The following NTN1 variants were observed in gnomAD, a reference collection of about 807,000 sequenced individuals.
The protein encoded by NTN1 is netrin-1.
NTN1 carries 11 observed loss-of-function variants against 54.2 expected under a neutral mutation model. The ratio of observed to expected loss-of-function variants is 0.20; its 90% CI spans 0.13 to 0.34. NTN1 has a LOEUF of 0.34. NTN1 is among the 10% of genes least tolerant of loss of function. The pLI is 1.00. For synonymous variants in NTN1, 371 were observed against 382.0 expected (o/e 0.97, Z 0.33); for missense variants, 740 against 893.1 (o/e 0.83, Z 2.18).
intron 2 of NTN1, among the ~76,000 whole-genome samples, chr17:9,152,485 G>T (rs2092330628): frequency 6.6e-6 from 1 of 152,104 alleles, no homozygotes; most frequent in South Asian, 2.1e-4. Flanking sequence ...CAGCAAGGGG[G>T]AAGCCTGCAG....
intron 2 of NTN1, among the ~76,000 whole-genome samples, chr17:9,157,943 G>A (rs968812840): frequency 9.9e-5 from 15 of 152,228 alleles, no homozygotes; most frequent in African/African-American, 3.6e-4. Context: ...AAGGATTAAG[G>A]TGTCTCTCTG....
At chr17:9,114,166 A>AAATATATATATATATATATATAT (rs1555569108) in intron 2 of NTN1, among the ~76,000 whole-genome samples, 3 of 74,618 alleles carry the variant, frequency 4.0e-5, no homozygotes, top group Non-Finnish European at 7.4e-5. Context: ...AAAAAAAAAA[A>AAATATATATATATATATATATAT]ATATATATAT....
intron 5 of NTN1, among the ~76,000 whole-genome samples, chr17:9,196,055 C>T (rs558326171): frequency 2.7e-4 from 41 of 150,454 alleles, no homozygotes; most frequent in African/African-American, 7.0e-4. Context: ...AGCTCAAAAT[C>T]GCTGGGGCCT....
intron 6 of NTN1, among the ~76,000 whole-genome samples, chr17:9,230,065 CT>C (rs3837853): frequency 0.78 from 119,210 of 151,946 alleles, 47,032 homozygotes; most frequent in African/African-American, 0.87. Context: ...ATGACGGACT[CT>C]TCCCCCTCAG....
chr17:9,237,403 AT>A (rs1255272348), intron 6 of NTN1, among the ~76,000 whole-genome samples: 1 of 152,202 alleles, frequency 6.6e-6, no homozygotes, highest in African/African-American at 2.4e-5. Context: ...TGGGTAGTTA[AT>A]TATACTTTAA....
intron 4 of NTN1, among the ~76,000 whole-genome samples, chr17:9,182,623 A>AC (rs1345871400): frequency 9.2e-5 from 14 of 152,252 alleles, no homozygotes; most frequent in Admixed American, 9.1e-4. Flanking sequence ...AGCTGAGTTG[A>AC]CGCCAGGCCC....
At chr17:9,045,774 G>A (rs2091939711) in intron 2 of NTN1, among the ~76,000 whole-genome samples, 1 of 152,042 alleles carries the variant, frequency 6.6e-6, no homozygotes, top group Non-Finnish European at 1.5e-5. Context: ...TTGATTGTTT[G>A]GAAGGACTAA....
intron 2 of NTN1, among the ~76,000 whole-genome samples, chr17:9,134,129 T>C (rs2092274265): frequency 6.6e-6 from 1 of 151,870 alleles, no homozygotes; most frequent in Non-Finnish European, 1.5e-5. Context: ...GGTCTTGAAC[T>C]CCTGACCTTG....
At chr17:9,195,622 G>A (rs982619832) in intron 5 of NTN1, among the ~76,000 whole-genome samples, 2 of 152,138 alleles carry the variant, frequency 1.3e-5, no homozygotes, top group Non-Finnish European at 2.9e-5. Context: ...CTCAGAGCTC[G>A]GCCTGAAACC....
intron 2 of NTN1, among the ~76,000 whole-genome samples, chr17:9,144,736 G>C (rs2092308273): frequency 6.6e-6 from 1 of 152,254 alleles, no homozygotes; most frequent in Non-Finnish European, 1.5e-5. Context: ...CGGCCTCCCA[G>C]CCTCAGTGGG....
intron 5 of NTN1, among the ~76,000 whole-genome samples, chr17:9,206,564 C>T (rs1259730145): frequency 6.6e-6 from 1 of 152,080 alleles, no homozygotes; most frequent in Non-Finnish European, 1.5e-5. Flanking sequence ...CCTCTCCGTG[C>T]CTTCCCTTTG....
At chr17:9,129,758 G>A (rs1216063290) in intron 2 of NTN1, among the ~76,000 whole-genome samples, 3 of 152,252 alleles carry the variant, frequency 2.0e-5, no homozygotes, top group East Asian at 1.9e-4. Context: ...CCCGGCTGCC[G>A]TCTCCCCTTC....
At chr17:9,146,683 A>G (rs997518606) in intron 2 of NTN1, among the ~76,000 whole-genome samples, 2 of 152,120 alleles carry the variant, frequency 1.3e-5, no homozygotes, top group African/African-American at 4.8e-5. Context: ...AGGCGGGACA[A>G]TGTCTCTGAT....
In NTN1 at chr17:9,136,622, T is replaced by C. The variant is rs185422254; in HGVS notation, c.1019-26191T>C. Among the ~76,000 whole-genome samples, 37 of 152,270 alleles carry C rather than the reference T, an allele frequency of 2.4e-4. 1 individual carries two copies. Among genetic ancestry groups the C allele is most frequent in the Admixed American group, 1.9e-3 (29 of 15,288 alleles). ...AGAAAAAAAAGAAAAAAGAGCATAGTGTAACAAACGCCTGTGTGCCAGCTC... is the reference window on the plus strand; with the variant it reads ...AGAAAAAAAAGAAAAAAGAGCATAGCGTAACAAACGCCTGTGTGCCAGCTC... On this transcript the variant is annotated intron_variant, in intron 2 of 6. Coordinates refer to ENST00000173229, the MANE Select transcript of NTN1 (RefSeq NM_004822.3).
chr17:9,093,026 G>C (rs2092118000), intron 2 of NTN1, among the ~76,000 whole-genome samples: 1 of 152,220 alleles, frequency 6.6e-6, no homozygotes, highest in African/African-American at 2.4e-5. Flanking sequence ...CCAAAGTGCT[G>C]AGATTACAGG....
intron 2 of NTN1, among the ~76,000 whole-genome samples, chr17:9,044,894 G>A (rs535405425): frequency 2.0e-5 from 3 of 152,254 alleles, no homozygotes; most frequent in South Asian, 2.1e-4. Context: ...AACAGTATGC[G>A]AAAAGTAGAA....
chr17:9,138,205 A>T (rs1245684160), intron 2 of NTN1, among the ~76,000 whole-genome samples: 1 of 152,210 alleles, frequency 6.6e-6, no homozygotes, highest in Admixed American at 6.5e-5. Context: ...GGTTTGGATC[A>T]TTGCGCAGCA....
rs1906316816 is a variant in NTN1 at position 9,243,861 on chromosome 17, G to C, written c.*3893G>C. 1 of 135,176 alleles carries C rather than the reference G, an allele frequency of 7.4e-6. No individual in the cohort carries two copies. Among genetic ancestry groups the C allele is most frequent in the African/African-American group, 2.8e-5 (1 of 35,412 alleles). 8.4% of individuals were successfully genotyped at this position (135,176 alleles called of 1,614,324 possible). On this transcript the variant is annotated 3_prime_UTR_variant, in exon 7 of 7. Coordinates refer to ENST00000173229, the MANE Select transcript of NTN1 (RefSeq NM_004822.3). ...TATATTTAATGACATGGAAAAAGTTGTGGATTTTCTTTCTTTCCTTTTTTT... is the reference window on the plus strand; with the variant it reads ...TATATTTAATGACATGGAAAAAGTTCTGGATTTTCTTTCTTTCCTTTTTTT...
Position 9,074,810 on chromosome 17 carries a change from A to G in NTN1, c.1018+51419A>G, listed in dbSNP as rs557394163. Among the ~76,000 whole-genome samples the G allele has an allele frequency of 5.3e-5, 8 of 152,330 alleles. No homozygotes were observed. In the East Asian group the frequency reaches 1.5e-3, roughly 29 times the overall value. ...TCCTATGCAGGTCCAGGGGCTGAGGAGCTGCCACTATCTGGGAAATTCAGG... is the reference window on the plus strand; with the variant it reads ...TCCTATGCAGGTCCAGGGGCTGAGGGGCTGCCACTATCTGGGAAATTCAGG... On this transcript the variant is annotated intron_variant, in intron 2 of 6. Coordinates refer to ENST00000173229, the MANE Select transcript of NTN1 (RefSeq NM_004822.3).
Sources: allele counts gnomAD v4.1 joint callset (sites outside exome capture counted in the v4.1 genomes callset), GRCh38; gene constraint gnomAD v4.1.1; transcripts MANE v1.5; gene names NCBI Gene and HGNC (gene_info 2026-07-23, HGNC 2026-07-21).